TYW1B: variants seen among roughly 807,000 people sequenced by gnomAD.
TYW1B encodes the protein tRNA-yW synthesizing protein 1 homolog B.
In TYW1B, 73 loss-of-function variants were observed where a neutral mutation model predicts 86.9. That is an observed-to-expected ratio of 0.84 (90% CI 0.70 to 1.02). The LOEUF is 1.02. Among genes scored for constraint, TYW1B ranks in the 50% least tolerant of loss-of-function variants. The pLI is 0.00. For synonymous variants in TYW1B, 248 were observed against 292.8 expected, an observed-to-expected ratio of 0.85 and a Z score of 1.56; for missense variants, 637 against 827.4, an observed-to-expected ratio of 0.77 and a Z score of 2.82.
rs549592434 is a variant in TYW1B at position 72,713,025 on chromosome 7, G to C, written c.1370+596C>G. ...CATAAAGATAAAAATTAGACCAGGC[G>C]CAGTGGCTCACACCTGTAATGCCAG... On this transcript the variant is annotated intron_variant, in intron 10 of 13. Coordinates refer to ENST00000620995, the MANE Select transcript of TYW1B (RefSeq NM_001145440.3). 5.3e-5 allele frequency among the ~76,000 whole-genome samples: 8 copies of C among 152,034 alleles called. No homozygotes were observed. In the South Asian group the frequency reaches 1.7e-3, roughly 32 times the overall value.
Position 72,793,137 on chromosome 7 carries a change from G to A in TYW1B, c.846+9263C>T, listed in dbSNP as rs117112223. 6.5e-3 allele frequency among the ~76,000 whole-genome samples: 994 copies of A among 152,002 alleles called. 8 individuals carry two copies. The highest frequency in any genetic ancestry group is 9.7e-3 in the Non-Finnish European group (661 of 67,982). On this transcript the variant is annotated intron_variant, in intron 6 of 13. Coordinates refer to ENST00000620995, the MANE Select transcript of TYW1B (RefSeq NM_001145440.3). Reference sequence around the variant, plus strand: ...GTGGATATCTTGAGGCCAGGAATTTGACATCAGCCCAGCCAACATGGCAAA... The same window carrying A: ...GTGGATATCTTGAGGCCAGGAATTTAACATCAGCCCAGCCAACATGGCAAA...
intron 7 of TYW1B, among the ~76,000 whole-genome samples, chr7:72,775,818 T>G (rs1554470444): frequency 6.6e-6 from 1 of 151,990 alleles, no homozygotes; most frequent in Admixed American, 6.6e-5. Context: ...TAGAACATGG[T>G]AACTACATGA....
chr7:72,782,122 A>G (rs570463456), intron 6 of TYW1B, among the ~76,000 whole-genome samples: 15 of 152,100 alleles, frequency 9.9e-5, no homozygotes, highest in Admixed American at 9.2e-4. Context: ...CAGCTCTACA[A>G]AAAAAAATTT....
intron 2 of TYW1B, among the ~76,000 whole-genome samples, chr7:72,820,531 G>A (rs1381884005): frequency 6.6e-6 from 1 of 152,172 alleles, no homozygotes. Context: ...TACATCTGGT[G>A]AGGGCTCCAG....
intron 11 of TYW1B, among the ~76,000 whole-genome samples, chr7:72,633,748 G>C (rs1308648154): frequency 6.6e-6 from 1 of 151,726 alleles, no homozygotes; most frequent in Non-Finnish European, 1.5e-5. Flanking sequence ...GTTTAGGTTT[G>C]TTCATTTTCA....
intron 8 of TYW1B, among the ~76,000 whole-genome samples, chr7:72,730,681 AGAG>A (rs1382025193): frequency 4.0e-5 from 6 of 151,582 alleles, no homozygotes; most frequent in African/African-American, 1.5e-4. Flanking sequence ...GATAGAGGAG[AGAG>A]GAGGAGGAAG....
chr7:72,618,804 A>C (rs1248616826), intron 12 of TYW1B, among the ~76,000 whole-genome samples: 1 of 152,220 alleles, frequency 6.6e-6, no homozygotes, highest in Non-Finnish European at 1.5e-5. Flanking sequence ...TAAAGAAACC[A>C]ACGACTAACA....
At chr7:72,809,646 T>C (rs572880859) in intron 4 of TYW1B, among the ~76,000 whole-genome samples, 1 of 149,504 alleles carries the variant, frequency 6.7e-6, no homozygotes, top group African/African-American at 2.5e-5. Flanking sequence ...AGCAAGACCC[T>C]GTTCTGAAAA....
At chr7:72,785,780 G>A (rs1222491640) in intron 6 of TYW1B, among the ~76,000 whole-genome samples, 21 of 152,210 alleles carry the variant, frequency 1.4e-4, no homozygotes, top group Admixed American at 3.3e-4. Flanking sequence ...ATGATCATGC[G>A]GAAAGCACTC....
intron 9 of TYW1B, among the ~76,000 whole-genome samples, chr7:72,717,913 T>G (rs1554456534): frequency 1.3e-5 from 2 of 152,208 alleles, no homozygotes; most frequent in South Asian, 4.2e-4. Context: ...TAGAGAGATT[T>G]CTCAAAGAAC....
At chr7:72,587,257 T>C (rs1811297515) in intron 13 of TYW1B, among the ~76,000 whole-genome samples, 1 of 152,148 alleles carries the variant, frequency 6.6e-6, no homozygotes. Context: ...AAAAGAGTGT[T>C]ACTGAAACCA....
At chr7:72,739,969 A>T (rs1445988301) in intron 8 of TYW1B, among the ~76,000 whole-genome samples, 1 of 148,278 alleles carries the variant, frequency 6.7e-6, no homozygotes, top group Admixed American at 6.8e-5. Context: ...TGGTGGCTCA[A>T]GTCTGTAATC....
At chr7:72,684,580 C>G (rs782070165) in intron 11 of TYW1B, among the ~76,000 whole-genome samples, 1 of 151,898 alleles carries the variant, frequency 6.6e-6, no homozygotes, top group Non-Finnish European at 1.5e-5. Context: ...AGAAGCTCTT[C>G]AGAGAAAAGG....
chr7:72,782,442 G>A (rs1585979953), intron 6 of TYW1B, among the ~76,000 whole-genome samples: 1 of 151,138 alleles, frequency 6.6e-6, no homozygotes, highest in South Asian at 2.1e-4. Context: ...ATGCTATACA[G>A]TCGGAAACTG....
intron 13 of TYW1B, among the ~76,000 whole-genome samples, chr7:72,608,511 C>A (rs1474272322): frequency 6.6e-6 from 1 of 152,112 alleles, no homozygotes; most frequent in Non-Finnish European, 1.5e-5. Context: ...ATATGTAAAT[C>A]AACCACTAAA....
chr7:72,730,643 A>AAGAAGGG (rs202145774), intron 8 of TYW1B, among the ~76,000 whole-genome samples: 11 of 151,214 alleles, frequency 7.3e-5, no homozygotes, highest in African/African-American at 2.7e-4. Context: ...AGAAAAGAAG[A>AAGAAGGG]AGAAGGGAGA....
chr7:72,767,785 T>C (rs1303093574), intron 7 of TYW1B, among the ~76,000 whole-genome samples: 2 of 152,162 alleles, frequency 1.3e-5, no homozygotes, highest in African/African-American at 4.8e-5. Context: ...ATCATTTTCT[T>C]CTAGAGAGCC....
At chr7:72,734,358 G>A (rs1787164537) in intron 8 of TYW1B, among the ~76,000 whole-genome samples, 1 of 150,304 alleles carries the variant, frequency 6.7e-6, no homozygotes, top group African/African-American at 2.4e-5. Context: ...ACAAAATAGA[G>A]AACCCAGAAA....
chr7:72,780,349 A>G (rs1287755061), intron 6 of TYW1B, among the ~76,000 whole-genome samples: 1 of 152,200 alleles, frequency 6.6e-6, no homozygotes, highest in Non-Finnish European at 1.5e-5. Context: ...CTCTGAAGCA[A>G]TTCTATATAG....
Sources: gnomAD v4.1 joint callset for allele counts (sites outside exome capture counted in the v4.1 genomes callset) on GRCh38, gnomAD v4.1.1 for gene constraint, MANE v1.5 for transcripts, NCBI Gene and HGNC (gene_info 2026-07-23, HGNC 2026-07-21) for gene names.